The following CA10 variants were observed in gnomAD, a reference collection of about 807,000 sequenced individuals.
CA10 encodes the protein carbonic anhydrase 10 (inactive).
CA10 carries 14 observed loss-of-function variants against 44.2 expected under a neutral mutation model. The ratio of observed to expected loss-of-function variants is 0.32; its 90% CI spans 0.21 to 0.50. CA10 has a LOEUF of 0.50. Among genes scored for constraint, CA10 ranks in the 20% least tolerant of loss-of-function variants. The pLI is 0.99. For missense variants in CA10, 350 were observed against 409.7 expected, an observed-to-expected ratio of 0.85 and a Z score of 1.26; for synonymous variants, 159 against 141.6, an observed-to-expected ratio of 1.12 and a Z score of -0.87.
At chr17:51,708,743 G>C (rs1295741569) in intron 4 of CA10, among the ~76,000 whole-genome samples, 1 of 152,218 alleles carries the variant, frequency 6.6e-6, no homozygotes, top group African/African-American at 2.4e-5. Context: ...GCAGAAGAAC[G>C]TGGAAGGACT....
At chr17:51,912,425 C>T (rs1009444484) in intron 3 of CA10, among the ~76,000 whole-genome samples, 1 of 152,112 alleles carries the variant, frequency 6.6e-6, no homozygotes, top group African/African-American at 2.4e-5. Context: ...ATGCATCCTG[C>T]CAACTTCATA....
intron 1 of CA10, among the ~76,000 whole-genome samples, chr17:52,102,514 C>T (rs899651516): frequency 2.6e-5 from 4 of 152,112 alleles, no homozygotes; most frequent in South Asian, 2.1e-4. Flanking sequence ...CATTAAGAAA[C>T]ATGGAACTTT....
intron 4 of CA10, among the ~76,000 whole-genome samples, chr17:51,702,066 T>C (rs1915622574): frequency 6.8e-6 from 1 of 146,650 alleles, no homozygotes; most frequent in African/African-American, 2.8e-5. Flanking sequence ...ATCATTCATT[T>C]GTTCACTTTA....
chr17:52,111,229 A>G lies in CA10; in HGVS notation c.62-38836T>C, dbSNP rs1419998832. The stretch of plus-strand genomic sequence containing the variant: ...ATGTATGACGCTCACTTAACTGTAA[A>G]TTTTCTTGCTTCTCTTGTTTCAGAG... On this transcript the variant is annotated intron_variant, in intron 1 of 8. Coordinates refer to ENST00000451037, the MANE Select transcript of CA10 (RefSeq NM_020178.5). 3.9e-5 allele frequency among the ~76,000 whole-genome samples: 6 copies of G among 151,972 alleles called. No individual in the cohort carries two copies. The East Asian group carries it at 1.2e-3, about 29-fold the overall frequency.
intron 3 of CA10, among the ~76,000 whole-genome samples, chr17:51,870,189 G>A (rs1979738276): frequency 6.6e-6 from 1 of 152,240 alleles, no homozygotes; most frequent in Non-Finnish European, 1.5e-5. Context: ...ATAGAATTCT[G>A]TCAATGACTG....
rs191708265 is a variant in CA10, at chr17:51,890,920, C to G, written c.279+40070G>C. 2.4e-3 allele frequency among the ~76,000 whole-genome samples: 369 copies of G among 152,182 alleles called. 4 individuals carry two copies. Among genetic ancestry groups the G allele is most frequent in the East Asian group, 3.1e-3 (16 of 5,188 alleles). On this transcript the variant is annotated intron_variant, in intron 3 of 8. Coordinates refer to ENST00000451037, the MANE Select transcript of CA10 (RefSeq NM_020178.5). ...TCTGCTCAGTGCACAGCAGACAGCCCGGAAAGAGTCTTATGAACCAAGCAC... is the reference window on the plus strand; with the variant it reads ...TCTGCTCAGTGCACAGCAGACAGCCGGGAAAGAGTCTTATGAACCAAGCAC...
At chr17:52,105,668 G>A (rs1988646494) in intron 1 of CA10, among the ~76,000 whole-genome samples, 2 of 152,180 alleles carry the variant, frequency 1.3e-5, no homozygotes, top group Non-Finnish European at 2.9e-5. Flanking sequence ...TAAGTAAGAT[G>A]GAAATAAGTT....
At chr17:51,694,206 GAAAAAAA>G (rs202082196) in intron 4 of CA10, among the ~76,000 whole-genome samples, 3 of 137,998 alleles carry the variant, frequency 2.2e-5, no homozygotes, top group Non-Finnish European at 4.7e-5. Flanking sequence ...CTCCGTCTCG[GAAAAAAA>G]AAAAAAAGAA....
chr17:51,982,044 T>C (rs1227419857), intron 2 of CA10, among the ~76,000 whole-genome samples: 1 of 152,060 alleles, frequency 6.6e-6, no homozygotes, highest in Non-Finnish European at 1.5e-5. Context: ...AAATATCAGA[T>C]GTGGAACTAC....
At chr17:51,851,779 C>T (rs1038964412) in intron 3 of CA10, among the ~76,000 whole-genome samples, 2 of 152,192 alleles carry the variant, frequency 1.3e-5, no homozygotes. Flanking sequence ...TCCCTAGTCT[C>T]TTTGGCCATG....
chr17:52,072,207 G>A (rs1430565649), intron 2 of CA10, 112 bp downstream of exon 2: 4 of 706,398 alleles, frequency 5.7e-6, no homozygotes, highest in Non-Finnish European at 9.5e-6. Context: ...AGTATTCATT[G>A]CACACATAAA....
intron 2 of CA10, among the ~76,000 whole-genome samples, chr17:51,945,257 T>C (rs1983230008): frequency 6.6e-6 from 1 of 152,122 alleles, no homozygotes; most frequent in Non-Finnish European, 1.5e-5. Context: ...AATTGATGTT[T>C]TAGAGACGGC....
At chr17:51,983,122 T>C (rs560884321) in intron 2 of CA10, among the ~76,000 whole-genome samples, 9 of 152,008 alleles carry the variant, frequency 5.9e-5, no homozygotes, top group African/African-American at 2.2e-4. Flanking sequence ...TAAACTCTTT[T>C]GTGTTTTATA....
intron 1 of CA10, among the ~76,000 whole-genome samples, chr17:52,100,634 G>A (rs1236972377): frequency 6.6e-6 from 1 of 152,148 alleles, no homozygotes; most frequent in African/African-American, 2.4e-5. Context: ...GTCTTATCCT[G>A]TCTCAGTTCT....
At chr17:51,745,095 C>T (rs983140047) in intron 4 of CA10, among the ~76,000 whole-genome samples, 3 of 152,194 alleles carry the variant, frequency 2.0e-5, no homozygotes, top group African/African-American at 7.2e-5. Flanking sequence ...TTCTCCAAGT[C>T]TCATTAGTCT....
intron 3 of CA10, among the ~76,000 whole-genome samples, chr17:51,798,544 C>G (rs1168727160): frequency 6.6e-6 from 1 of 152,242 alleles, no homozygotes; most frequent in Non-Finnish European, 1.5e-5. Context: ...GCTTAAGTTA[C>G]TCCTTTTTGG....
chr17:52,072,675 C>CCACACACA (rs540710346), intron 1 of CA10, among the ~76,000 whole-genome samples: 11 of 63,332 alleles, frequency 1.7e-4, no homozygotes, highest in African/African-American at 5.4e-4. Context: ...ATCATCTTCC[C>CCACACACA]CATACACACA....
At chr17:52,006,255 T>A (rs1187252504) in intron 2 of CA10, among the ~76,000 whole-genome samples, 1 of 151,752 alleles carries the variant, frequency 6.6e-6, no homozygotes, top group Non-Finnish European at 1.5e-5. Flanking sequence ...TTCTGTCCCT[T>A]TGTTCCCAAC....
At chr17:51,855,362 A>C (rs1978994148) in intron 3 of CA10, among the ~76,000 whole-genome samples, 1 of 152,212 alleles carries the variant, frequency 6.6e-6, no homozygotes, top group African/African-American at 2.4e-5. Context: ...CAAGATTGTA[A>C]TATGCACCAT....
Sources: allele counts gnomAD v4.1 joint callset (sites outside exome capture counted in the v4.1 genomes callset), GRCh38; gene constraint gnomAD v4.1.1; transcripts MANE v1.5; gene names NCBI Gene and HGNC (gene_info 2026-07-23, HGNC 2026-07-21).